The following CWC25 variants were observed in gnomAD, a reference collection of about 807,000 sequenced individuals.
CWC25 encodes the protein pre-mRNA-splicing factor CWC25 homolog.
CWC25 carries 31 observed loss-of-function variants against 54.6 expected under a neutral mutation model. The ratio of observed to expected loss-of-function variants is 0.57; its 90% CI spans 0.43 to 0.77. CWC25 has a LOEUF of 0.77. CWC25 is among the 30% of genes least tolerant of loss of function. The pLI is 0.00. For missense variants in CWC25, 453 were observed against 529.3 expected, an observed-to-expected ratio of 0.86 and a Z score of 1.41; for synonymous variants, 151 against 187.0, an observed-to-expected ratio of 0.81 and a Z score of 1.57.
chr17:38,810,418 G>C, intron 5 of CWC25, 50 bp downstream of exon 5: 1 of 1,488,580 alleles, frequency 6.7e-7, no homozygotes, highest in Non-Finnish European at 9.0e-7. Context: ...ATGAATGAGT[G>C]AATGAGCAAG....
chr17:38,802,642 A>G (rs1911073901), intron 9 of CWC25, 58 bp downstream of exon 9: 2 of 1,584,800 alleles, frequency 1.3e-6, no homozygotes, highest in Non-Finnish European at 1.7e-6. Flanking sequence ...ACCAGCTGCC[A>G]GCCTGCCTCT....
rs930790865 is a variant in CWC25, at chr17:38,802,764, C to A, written c.1099G>T (p.Ala367Ser). ...EERLNILKRH[A>S]KDEEREQRLE... ...CTCTGCTCCCGTTCCTCATCCTTAGCATGCCTCTTGAGGATGTTCAGTCTC... is the reference window on the plus strand; with the variant it reads ...CTCTGCTCCCGTTCCTCATCCTTAGAATGCCTCTTGAGGATGTTCAGTCTC... The change falls in exon 9 of 10, where the codon GCT (alanine) becomes TCT (serine). Residue 367 changes from alanine to serine, a missense_variant. Physicochemically the swap from Ala to Ser is moderately conservative, Grantham distance 99. Transcript: ENST00000614790. 4 of 1,614,034 alleles carry A rather than the reference C, an allele frequency of 2.5e-6. No individual in the cohort carries two copies. In the African/African-American group the frequency reaches 5.3e-5, roughly 22 times the overall value.
chr17:38,820,841 G>C lies in CWC25; in HGVS notation c.191+60C>G, dbSNP rs536747154. The C allele has an allele frequency of 2.2e-5, 33 of 1,533,894 alleles. 1 individual carries two copies. In the South Asian group the frequency reaches 3.6e-4, roughly 17 times the overall value. ...CAGCCATTATACAACACTGGATGAT[G>C]CATCTCAGGACAGCTCTGCAATTCC... On this transcript the variant is annotated intron_variant, in intron 2 of 9. Coordinates refer to ENST00000614790, the MANE Select transcript of CWC25 (RefSeq NM_017748.5).
intron 2 of CWC25, among the ~76,000 whole-genome samples, chr17:38,818,845 G>A (rs1007956101): frequency 6.6e-6 from 1 of 151,944 alleles, no homozygotes. Flanking sequence ...CTACAGTTGT[G>A]CATCTGTACT....
In CWC25 at chr17:38,806,348, G is replaced by C. The variant is rs768068334; in HGVS notation, c.950C>G (p.Pro317Arg). The change falls in exon 8 of 10, where the codon CCA becomes CGA. Residue 317 changes from proline (P) to arginine (R), a missense_variant. Around this residue, in one of 2 missense-constraint regions of CWC25, gnomAD observed 444 missense variants for 499.2 expected, o/e 0.89. Coordinates refer to ENST00000614790, the MANE Select transcript of CWC25 (RefSeq NM_017748.5). The stretch of plus-strand genomic sequence containing the variant: ...TTGGTAGACCTCTTTTTTAGGTGAT[G>C]GGCTCCTAGTTTGGCCTGTCTCTCT... ...NRRETGQTRS[P>R]SPKKEVYQRR... The C allele has an allele frequency of 2.5e-6, 4 of 1,613,574 alleles. No individual in the cohort carries two copies. The South Asian group carries it at 4.4e-5, about 18-fold the overall frequency.
intron 6 of CWC25, among the ~76,000 whole-genome samples, chr17:38,809,300 C>CAT (rs1911387637): frequency 1.3e-5 from 2 of 148,214 alleles, no homozygotes; most frequent in East Asian, 2.0e-4. Context: ...TGGTGGTGGG[C>CAT]GCCTGTAATC....
rs1911266863 is a variant in CWC25, at chr17:38,806,907, T to C, written c.760A>G (p.Met254Val). 1 of 1,613,952 alleles carries C rather than the reference T, an allele frequency of 6.2e-7. No homozygotes were observed. Among genetic ancestry groups the C allele is most frequent in the Non-Finnish European group, 8.5e-7 (1 of 1,179,878 alleles). The change falls in exon 7 of 10, where the codon ATG becomes GTG. Residue 254 changes from methionine to valine, a missense_variant. By Grantham distance (21) the Met-to-Val change is conservative (BLOSUM62 1). This residue lies in a region of CWC25 where 444 missense variants were observed against 499.2 expected (regional missense o/e 0.89). Transcript: ENST00000614790. ...CTTCTGGATCTGGAATGGTTCTTCA[T>C]CCCATGCCCTCTCTTTTGCTCTGCT... ...LTAEQKRGHG[M>V]KNHSRSRSSS...
At chr17:38,815,198 ATCAGAGT>A (rs1911649147) in intron 2 of CWC25, 101 bp from the exon 3 acceptor site, 1 of 1,008,422 alleles carries the variant, frequency 9.9e-7, no homozygotes. Flanking sequence ...ACCACAGCTA[ATCAGAGT>A]TCATTCTACT....
At chr17:38,815,590 G>T in intron 2 of CWC25, 1 of 886,622 alleles carries the variant, frequency 1.1e-6, no homozygotes, top group Non-Finnish European at 1.6e-6. Context: ...TCCTCATGAG[G>T]CTTACGAGTG....
chr17:38,817,613 C>G (rs542013687), intron 2 of CWC25, among the ~76,000 whole-genome samples: 9 of 151,820 alleles, frequency 5.9e-5, no homozygotes, highest in Admixed American at 3.3e-4. Flanking sequence ...ATGGTGAAAC[C>G]CTGTCTCTAC....
chr17:38,811,916 A>C (rs868467027), intron 4 of CWC25, among the ~76,000 whole-genome samples: 1 of 152,084 alleles, frequency 6.6e-6, no homozygotes. Context: ...ATGTCATGTG[A>C]ATGGTAAGTG....
intron 2 of CWC25, among the ~76,000 whole-genome samples, chr17:38,816,049 A>G (rs542118745): frequency 3.9e-5 from 6 of 152,244 alleles, no homozygotes; most frequent in Admixed American, 2.0e-4. Context: ...CATGCCACAC[A>G]AACATTTCCC....
intron 9 of CWC25, 61 bp downstream of exon 9, chr17:38,802,639 G>A (rs2143537312): frequency 6.3e-7 from 1 of 1,577,572 alleles, no homozygotes; most frequent in Non-Finnish European, 8.6e-7. Context: ...GGAACCAGCT[G>A]CCAGCCTGCC....
Position 38,802,776 on chromosome 17 carries a change from G to A in CWC25, c.1087C>T (p.Leu363Phe). Residue 363 changes from leucine (L) to phenylalanine (F), a missense_variant, in exon 9 of 10, where the codon CTC becomes TTC. By Grantham distance (22) the Leu-to-Phe change is conservative. Transcript: ENST00000614790. ...KWREEERLNILKRHAKDEERE... is the reference protein window; with the variant it reads ...KWREEERLNIFKRHAKDEERE... The stretch of plus-strand genomic sequence containing the variant: ...TCCTCATCCTTAGCATGCCTCTTGA[G>A]GATGTTCAGTCTCTCCTCCTCCCTC... 3 of 1,613,972 alleles carry A rather than the reference G, an allele frequency of 1.9e-6. No homozygotes were observed. The highest frequency in any genetic ancestry group is 2.5e-6 in the Non-Finnish European group (3 of 1,179,892).
intron 1 of CWC25, among the ~76,000 whole-genome samples, chr17:38,822,939 G>A (rs910298058): frequency 1.3e-5 from 2 of 148,538 alleles, no homozygotes; most frequent in Admixed American, 6.8e-5. Flanking sequence ...CCAGGTTCAC[G>A]CCATTCTCCT....
At chr17:38,815,555 T>C in intron 2 of CWC25, 2 of 643,628 alleles carry the variant, frequency 3.1e-6, no homozygotes, top group Non-Finnish European at 4.9e-6. Flanking sequence ...TTGTCTCAAA[T>C]AAATAAATAA....
chr17:38,819,701 G>C, intron 2 of CWC25, among the ~76,000 whole-genome samples: 1 of 148,866 alleles, frequency 6.7e-6, no homozygotes, highest in East Asian at 2.0e-4. Flanking sequence ...TCGTTTTTTT[G>C]AGATGGAGTC....
chr17:38,824,404 G>T (rs1912055518), intron 1 of CWC25, among the ~76,000 whole-genome samples: 1 of 152,008 alleles, frequency 6.6e-6, no homozygotes, highest in South Asian at 2.1e-4. Context: ...AAGGACCCCA[G>T]GGCCGGGCGC....
rs776683649 is a variant in CWC25, at chr17:38,802,720, G to C, written c.1143C>G (p.Ser381=). Residue 381 remains serine, a synonymous_variant, in exon 9 of 10, where the codon TCC becomes TCG. Coordinates refer to ENST00000614790, the MANE Select transcript of CWC25 (RefSeq NM_017748.5). Reference sequence around the variant, plus strand: ...CTCACTGGATGAACTTCCCATCCCGGGAGTCCAGCTTCTCTAGCCTCTGCT... The same window carrying C: ...CTCACTGGATGAACTTCCCATCCCGCGAGTCCAGCTTCTCTAGCCTCTGCT... ...EREQRLEKLD[S]RDGKFIHRMK... 50 of 1,613,888 alleles carry C rather than the reference G, an allele frequency of 3.1e-5. No individual in the cohort carries two copies. In the African/African-American group the frequency reaches 5.3e-4, roughly 17 times the overall value.
Sources: allele counts gnomAD v4.1 joint callset (sites outside exome capture counted in the v4.1 genomes callset), GRCh38; gene constraint gnomAD v4.1.1; regional missense constraint gnomAD v4.1.1; transcripts MANE v1.5; gene names NCBI Gene and HGNC (gene_info 2026-07-23, HGNC 2026-07-21).